Variants in PIK3R4 observed in about 807,000 individuals in gnomAD.
The protein encoded by PIK3R4 is phosphoinositide-3-kinase regulatory subunit 4.
A neutral mutation model predicts 136.5 loss-of-function variants in PIK3R4; 46 were observed. That is an observed-to-expected ratio of 0.34 (90% confidence interval 0.27 to 0.43). The LOEUF is 0.43. PIK3R4 is among the 20% of genes least tolerant of loss of function. The pLI is 1.00. For synonymous variants in PIK3R4, 557 were observed against 566.7 expected (o/e 0.98, Z 0.24); for missense variants, 1,331 against 1,649.5 (o/e 0.81, Z 3.35).
chr3:130,746,089 G>A (rs991380844), intron 1 of PIK3R4, among the ~76,000 whole-genome samples: 14 of 151,906 alleles, frequency 9.2e-5, no homozygotes, highest in Non-Finnish European at 1.8e-4. Context: ...TAAAAATTCA[G>A]TTAACTCCTG....
chr3:130,686,061 A>C (rs2066487885), intron 15 of PIK3R4, 150 bp downstream of exon 15: 1 of 606,722 alleles, frequency 1.6e-6, no homozygotes, highest in African/African-American at 1.9e-5. Context: ...AAAAAAATAA[A>C]ATTGCAAGTT....
chr3:130,739,326 T>C (rs1324741618), intron 2 of PIK3R4, among the ~76,000 whole-genome samples: 1 of 152,226 alleles, frequency 6.6e-6, no homozygotes, highest in African/African-American at 2.4e-5. Flanking sequence ...TCCACCCATC[T>C]TGGCCTCCCA....
chr3:130,744,024 T>C (rs2066839511), intron 2 of PIK3R4, among the ~76,000 whole-genome samples: 1 of 152,218 alleles, frequency 6.6e-6, no homozygotes, highest in Admixed American at 6.5e-5. Flanking sequence ...ATCTTTCTAT[T>C]AAAGAGGCCT....
chr3:130,684,259 C>T lies in PIK3R4; in HGVS notation c.3598G>A (p.Val1200Met), dbSNP rs1297275041. 1.2e-6 allele frequency: 2 copies of T among 1,613,264 alleles called. No individual in the cohort carries two copies. The highest frequency in any genetic ancestry group is 1.7e-5 in the Admixed American group (1 of 59,970). ...CAGCCCTCCATCTTACCTGCAATCA[C>T]CCAGGACTGATACAGAGGGTGCATT... ...LSMHPLYQSW[V>M]IAAVQGNNEV... Residue 1200 changes from valine to methionine, a missense_variant, in exon 16 of 20, where the codon GTG (valine) becomes ATG (methionine). Val to Met is a conservative substitution (Grantham distance 21, BLOSUM62 1). This residue lies in a region of PIK3R4 where 1,180 missense variants were observed against 1,407.0 expected (regional missense o/e 0.84). Transcript: ENST00000356763.
Position 130,691,275 on chromosome 3 carries a change from T to C in PIK3R4, c.3099-621A>G, listed in dbSNP as rs115806212. ...TGGCTTTGGAATCACGGACTTCTAC[T>C]ACCAACTACTTATATGATGTTGGTC... On this transcript the variant is annotated intron_variant, in intron 13 of 19. Coordinates refer to ENST00000356763, the MANE Select transcript of PIK3R4 (RefSeq NM_014602.3). Among the ~76,000 whole-genome samples the C allele has an allele frequency of 4.2e-3, 643 of 152,318 alleles. 3 individuals carry two copies. The highest frequency in any genetic ancestry group is 7.2e-3 in the Non-Finnish European group (492 of 68,020).
At chr3:130,718,179 A>G (rs1231434461) in intron 8 of PIK3R4, among the ~76,000 whole-genome samples, 3 of 152,210 alleles carry the variant, frequency 2.0e-5, no homozygotes, top group African/African-American at 7.2e-5. Context: ...ATTAGATATA[A>G]CATGATGTAA....
intron 2 of PIK3R4, 108 bp from the exon 3 acceptor site, chr3:130,736,110 T>C: frequency 1.4e-6 from 1 of 712,288 alleles, no homozygotes; most frequent in Non-Finnish European, 2.2e-6. Context: ...AACCCCAAAG[T>C]AAATGAAATT....
chr3:130,692,256 A>G (rs1378403764), intron 13 of PIK3R4, among the ~76,000 whole-genome samples: 1 of 152,302 alleles, frequency 6.6e-6, no homozygotes, highest in South Asian at 2.1e-4. Flanking sequence ...AATGATTTTT[A>G]GTATATTAAC....
chr3:130,698,020 T>G (rs1365935971), intron 13 of PIK3R4, among the ~76,000 whole-genome samples: 4 of 152,222 alleles, frequency 2.6e-5, no homozygotes, highest in African/African-American at 9.6e-5. Flanking sequence ...GACAGTCTTT[T>G]CCTTTCAACA....
intron 3 of PIK3R4, among the ~76,000 whole-genome samples, chr3:130,734,486 C>T (rs1304227743): frequency 1.3e-5 from 2 of 152,156 alleles, no homozygotes; most frequent in African/African-American, 4.8e-5. Context: ...AATGTATACA[C>T]ACAATTTTTG....
intron 14 of PIK3R4, among the ~76,000 whole-genome samples, chr3:130,687,416 T>C (rs72998209): frequency 1.4e-3 from 214 of 152,292 alleles, no homozygotes; most frequent in African/African-American, 4.5e-3. Flanking sequence ...GGATTCTCCA[T>C]TGTAAACATT....
rs755652408 is a variant in PIK3R4 at position 130,723,472 on chromosome 3, A to G, written c.1923T>C (p.Cys641=). 15 of 1,613,694 alleles carry G rather than the reference A, an allele frequency of 9.3e-6. No individual in the cohort carries two copies. Among genetic ancestry groups the G allele is most frequent in the South Asian group, 6.6e-5 (6 of 91,038 alleles). The change falls in exon 7 of 20, where the codon TGT becomes TGC. Residue 641 remains cysteine (C), a synonymous_variant. Transcript: ENST00000356763. The stretch of plus-strand genomic sequence containing the variant: ...TTTGTAGCAGTCCTAACTGGCACAT[A>G]CAAGTAAGGGCATAAAGAGCTTTCA... ...VIVKALYALT[C]MCQLGLLQKP...
At chr3:130,686,088 G>C (rs1257167435) in intron 15 of PIK3R4, 123 bp downstream of exon 15, 1 of 513,196 alleles carries the variant, frequency 1.9e-6, no homozygotes, top group East Asian at 3.5e-5. Context: ...ACATGACTAT[G>C]AAAAAAAAAA....
chr3:130,694,401 G>C (rs1194900705), intron 13 of PIK3R4, among the ~76,000 whole-genome samples: 1 of 151,612 alleles, frequency 6.6e-6, no homozygotes, highest in Non-Finnish European at 1.5e-5. Context: ...GTATTCCACT[G>C]CATGAACATG....
chr3:130,679,835 T>C (rs183893353), intron 19 of PIK3R4, among the ~76,000 whole-genome samples: 2 of 152,248 alleles, frequency 1.3e-5, no homozygotes, highest in African/African-American at 2.4e-5. Context: ...CCCAGCACTT[T>C]GGGAGGCCAA....
chr3:130,704,535 A>C (rs2107607485), intron 12 of PIK3R4, among the ~76,000 whole-genome samples: 1 of 152,310 alleles, frequency 6.6e-6, no homozygotes, highest in South Asian at 2.1e-4. Flanking sequence ...TGATTTGTAA[A>C]TATCTATATA....
intron 5 of PIK3R4, among the ~76,000 whole-genome samples, chr3:130,729,219 C>T (rs1025672059): frequency 3.9e-5 from 6 of 152,284 alleles, no homozygotes; most frequent in Admixed American, 2.6e-4. Context: ...CTTTTTCTCA[C>T]TTATTTATTT....
intron 9 of PIK3R4, 69 bp from the exon 10 acceptor site, chr3:130,708,561 T>A: frequency 7.3e-7 from 1 of 1,365,092 alleles, no homozygotes; most frequent in Non-Finnish European, 1.0e-6. Flanking sequence ...TCAGAATGAC[T>A]AACAACTGAA....
At chr3:130,711,870 T>C (rs1287991168) in intron 9 of PIK3R4, among the ~76,000 whole-genome samples, 4 of 152,254 alleles carry the variant, frequency 2.6e-5, no homozygotes, top group Non-Finnish European at 5.9e-5. Flanking sequence ...CATTGCATTA[T>C]ATATCTTCTT....
Sources: allele counts gnomAD v4.1 joint callset (sites outside exome capture counted in the v4.1 genomes callset), GRCh38; gene constraint gnomAD v4.1.1; regional missense constraint gnomAD v4.1.1; transcripts MANE v1.5; gene names NCBI Gene and HGNC (gene_info 2026-07-23, HGNC 2026-07-21).